ANKS1B: variants seen among roughly 807,000 people sequenced by gnomAD.
ANKS1B encodes the protein ankyrin repeat and sterile alpha motif domain containing 1B.
Under a neutral mutation model 148.3 loss-of-function variants are expected in ANKS1B, and 36 were observed. The observed-to-expected ratio is 0.24, with a 90% CI of 0.19 to 0.32. The LOEUF (loss-of-function observed/expected upper bound fraction) is 0.32, where lower values mean the gene tolerates loss of function less well. Among genes scored for constraint, ANKS1B ranks in the 10% least tolerant of loss-of-function variants. The pLI, the probability that ANKS1B is intolerant of heterozygous loss-of-function variation, is 1.00. For missense variants in ANKS1B, 1,157 were observed against 1,542.6 expected (o/e 0.75, Z 4.19); for synonymous variants, 542 against 560.8 (o/e 0.97, Z 0.47).
At chr12:99,556,200 G>A (rs2097274336) in intron 9 of ANKS1B, among the ~76,000 whole-genome samples, 2 of 152,078 alleles carry the variant, frequency 1.3e-5, no homozygotes, top group African/African-American at 2.4e-5. Flanking sequence ...TCTTCCAGGT[G>A]TTCTCGATTG....
intron 4 of ANKS1B, among the ~76,000 whole-genome samples, chr12:99,784,948 G>GT (rs1353002912): frequency 6.6e-6 from 1 of 152,130 alleles, no homozygotes; most frequent in African/African-American, 2.4e-5. Flanking sequence ...ATAATAAACT[G>GT]TAAGTTCAGC....
Position 99,589,844 on chromosome 12 carries a change from A to C in ANKS1B, c.1272+65223T>G, listed in dbSNP as rs187215610. On this transcript the variant is annotated intron_variant, in intron 9 of 26. Coordinates refer to ENST00000683438, the MANE Select transcript of ANKS1B (RefSeq NM_001352186.2). Reference sequence around the variant, plus strand: ...AATTAGAATGCTCCTAACACAAAAAAATGATAAATGCTTGAGGTGATAGAC... The same window carrying C: ...AATTAGAATGCTCCTAACACAAAAACATGATAAATGCTTGAGGTGATAGAC... Among the ~76,000 whole-genome samples the C allele has an allele frequency of 2.3e-3, 350 of 152,304 alleles. 2 individuals are homozygous for C. Among genetic ancestry groups the C allele is most frequent in the Middle Eastern group, 0.017 (5 of 294 alleles).
chr12:98,755,468 C>T (rs2098215761), intron 25 of ANKS1B, among the ~76,000 whole-genome samples: 1 of 152,198 alleles, frequency 6.6e-6, no homozygotes, highest in Non-Finnish European at 1.5e-5. Flanking sequence ...GGTACTGGGT[C>T]TGGCACATTC....
At chr12:99,183,508 T>A (rs534770015) in intron 14 of ANKS1B, among the ~76,000 whole-genome samples, 1 of 151,888 alleles carries the variant, frequency 6.6e-6, no homozygotes, top group Non-Finnish European at 1.5e-5. Flanking sequence ...CCAGGCGTGG[T>A]GGTGGTCGCC....
At chr12:99,161,548 C>T (rs555021285) in intron 14 of ANKS1B, among the ~76,000 whole-genome samples, 8 of 152,102 alleles carry the variant, frequency 5.3e-5, no homozygotes, top group African/African-American at 1.9e-4. Flanking sequence ...AAAAAATCCC[C>T]CCCAAAACCC....
At chr12:98,958,065 C>T (rs1463019781) in intron 17 of ANKS1B, among the ~76,000 whole-genome samples, 1 of 152,162 alleles carries the variant, frequency 6.6e-6, no homozygotes, top group East Asian at 1.9e-4. Flanking sequence ...AGGGGTTCTT[C>T]AGAAAACCAG....
At chr12:99,684,911 T>C (rs1039510042) in intron 8 of ANKS1B, among the ~76,000 whole-genome samples, 7 of 152,242 alleles carry the variant, frequency 4.6e-5, no homozygotes, top group Admixed American at 2.0e-4. Context: ...TCTCTCACCT[T>C]ATACAAAAAT....
intron 25 of ANKS1B, among the ~76,000 whole-genome samples, chr12:98,754,755 C>G (rs765363624): frequency 3.9e-5 from 6 of 152,086 alleles, no homozygotes; most frequent in Non-Finnish European, 8.8e-5. Context: ...TTATGGGAAG[C>G]CTAAAGGTTT....
At chr12:99,106,473 T>C (rs969033210) in intron 15 of ANKS1B, among the ~76,000 whole-genome samples, 3 of 152,248 alleles carry the variant, frequency 2.0e-5, no homozygotes, top group African/African-American at 7.2e-5. Flanking sequence ...AAAGATAATG[T>C]TTTAAGAGTG....
At chr12:99,607,918 T>G (rs754017264) in intron 9 of ANKS1B, among the ~76,000 whole-genome samples, 21 of 152,048 alleles carry the variant, frequency 1.4e-4, no homozygotes, top group Non-Finnish European at 3.1e-4. Flanking sequence ...GGACTAGATT[T>G]TAGGCTGGTA....
intron 14 of ANKS1B, among the ~76,000 whole-genome samples, chr12:99,219,757 T>G (rs895422306): frequency 6.6e-6 from 1 of 152,150 alleles, no homozygotes; most frequent in South Asian, 2.1e-4. Flanking sequence ...TTCCACCCAC[T>G]CAGAAAGCCT....
At chr12:99,081,302 C>T (rs2049671007) in intron 16 of ANKS1B, among the ~76,000 whole-genome samples, 1 of 152,132 alleles carries the variant, frequency 6.6e-6, no homozygotes, top group Non-Finnish European at 1.5e-5. Context: ...TCACTAATTC[C>T]ACAACACAAT....
chr12:98,895,805 GT>G (rs2099763777), intron 17 of ANKS1B, among the ~76,000 whole-genome samples: 1 of 151,842 alleles, frequency 6.6e-6, no homozygotes, highest in African/African-American at 2.4e-5. Flanking sequence ...TTGTTTGTTT[GT>G]TTTTCCCCCC....
chr12:98,895,294 A>G (rs2099762605), intron 17 of ANKS1B: 3 of 985,022 alleles, frequency 3.0e-6, no homozygotes, highest in East Asian at 1.1e-4. Context: ...GTTACTATGG[A>G]TATCTCGCTC....
rs570989866 is a variant in ANKS1B at position 98,985,760 on chromosome 12, T to C, written c.2778+67397A>G. Among the ~76,000 whole-genome samples, 43 of 152,282 alleles carry C rather than the reference T, an allele frequency of 2.8e-4. No homozygotes were observed. The East Asian group carries it at 8.1e-3, about 29-fold the overall frequency. ...ATTTTCTTTAGACATTCAATTATCT[T>C]TTAAAATCTTTAAAAATAAGTAAGA... is the stretch of plus-strand genomic sequence containing the variant. On this transcript the variant is annotated intron_variant, in intron 17 of 26. Transcript: ENST00000683438.
chr12:98,937,967 C>T (rs111858782), intron 17 of ANKS1B, among the ~76,000 whole-genome samples: 9,598 of 152,040 alleles, frequency 0.063, 316 homozygotes, highest in Non-Finnish European at 0.071. Flanking sequence ...AACTCCCTCA[C>T]GATCACTAGA....
At chr12:98,878,382 C>CAAACA (rs949645435) in intron 17 of ANKS1B, among the ~76,000 whole-genome samples, 13 of 151,906 alleles carry the variant, frequency 8.6e-5, no homozygotes, top group African/African-American at 3.1e-4. Context: ...TCAAAACAAA[C>CAAACA]AAACAAACAA....
chr12:99,013,258 T>C (rs1167464198), intron 17 of ANKS1B, among the ~76,000 whole-genome samples: 1 of 152,186 alleles, frequency 6.6e-6, no homozygotes, highest in East Asian at 1.9e-4. Context: ...AATAATCCCT[T>C]AATTTATTAG....
intron 14 of ANKS1B, among the ~76,000 whole-genome samples, chr12:99,217,906 A>G (rs1034792264): frequency 6.6e-6 from 1 of 152,176 alleles, no homozygotes; most frequent in African/African-American, 2.4e-5. Flanking sequence ...AAGATGCCTC[A>G]TCTAGTAAGT....
Sources: allele counts gnomAD v4.1 joint callset (sites outside exome capture counted in the v4.1 genomes callset), GRCh38; gene constraint gnomAD v4.1.1; transcripts MANE v1.5; gene names NCBI Gene and HGNC (gene_info 2026-07-23, HGNC 2026-07-21).